Variants in ZNF385B observed in about 807,000 individuals in gnomAD.
ZNF385B encodes the protein zinc finger protein 385B.
ZNF385B carries 23 observed loss-of-function variants against 39.2 expected under a neutral mutation model. That is an observed-to-expected ratio of 0.59 (90% CI 0.42 to 0.83). The LOEUF (loss-of-function observed/expected upper bound fraction) is 0.83. ZNF385B is among the 40% of genes least tolerant of loss of function. The pLI is 0.00. For missense variants in ZNF385B, 552 were observed against 598.9 expected, an observed-to-expected ratio of 0.92 and a Z score of 0.82; for synonymous variants, 205 against 222.6, an observed-to-expected ratio of 0.92 and a Z score of 0.70.
intron 4 of ZNF385B, among the ~76,000 whole-genome samples, chr2:179,533,523 C>T (rs1394331801): frequency 6.6e-6 from 1 of 152,132 alleles, no homozygotes; most frequent in Non-Finnish European, 1.5e-5. Flanking sequence ...AGGCAGCGAA[C>T]TTACAATTAG....
intron 3 of ZNF385B, among the ~76,000 whole-genome samples, chr2:179,636,409 A>C (rs1559013036): frequency 6.6e-6 from 1 of 152,190 alleles, no homozygotes; most frequent in Non-Finnish European, 1.5e-5. Flanking sequence ...CTGAGTAAAT[A>C]TATCTGCGAC....
chr2:179,459,272 T>C (rs1228891478), intron 6 of ZNF385B, among the ~76,000 whole-genome samples: 2 of 151,432 alleles, frequency 1.3e-5, no homozygotes, highest in Admixed American at 1.3e-4. Flanking sequence ...CTAAGAAGTA[T>C]CATTTTCTGC....
intron 3 of ZNF385B, among the ~76,000 whole-genome samples, chr2:179,711,819 AT>A (rs367595857): frequency 7.4e-5 from 11 of 149,430 alleles, no homozygotes; most frequent in African/African-American, 2.2e-4. Flanking sequence ...TATAAACTGC[AT>A]TTTTTTTAAC....
intron 3 of ZNF385B, among the ~76,000 whole-genome samples, chr2:179,681,026 C>T (rs1575212991): frequency 1.3e-5 from 2 of 151,578 alleles, no homozygotes; most frequent in African/African-American, 4.8e-5. Flanking sequence ...ATTATACATG[C>T]AGCTGTTTAA....
rs759533913 is a variant in ZNF385B at position 179,518,591 on chromosome 2, G to A, written c.489C>T (p.Ser163=). The A allele has an allele frequency of 1.2e-5, 19 of 1,608,074 alleles. No individual in the cohort carries two copies. The highest frequency in any genetic ancestry group is 1.6e-5 in the Non-Finnish European group (19 of 1,177,956). The change falls in exon 5 of 10, where the codon TCC becomes TCT. Residue 163 remains serine (S), a synonymous_variant. Coordinates refer to ENST00000410066, the MANE Select transcript of ZNF385B (RefSeq NM_152520.6). The part of the protein sequence containing the change: ...KAVINHTFGV[S]IPPKKKQVIS... The stretch of plus-strand genomic sequence containing the variant: ...TAACTTGTTTCTTCTTTGGGGGAAT[G>A]GATACTCCAAATGTATGGTTAATAA...
chr2:179,849,001 A>G (rs930189974), intron 1 of ZNF385B, among the ~76,000 whole-genome samples: 1 of 152,224 alleles, frequency 6.6e-6, no homozygotes, highest in Non-Finnish European at 1.5e-5. Flanking sequence ...GAGTCTTTGT[A>G]GTCCTATGAG....
chr2:179,573,297 A>G (rs79420717), intron 3 of ZNF385B, among the ~76,000 whole-genome samples: 1,895 of 152,286 alleles, frequency 0.012, 122 homozygotes, highest in Admixed American at 0.1. Context: ...TCACATGAAA[A>G]ATTCTGGAAG....
At chr2:179,849,627 G>A (rs1031063147) in intron 1 of ZNF385B, among the ~76,000 whole-genome samples, 5 of 152,266 alleles carry the variant, frequency 3.3e-5, no homozygotes, top group South Asian at 4.2e-4. Context: ...AGTTTCAAAC[G>A]TTGAGGATAA....
intron 3 of ZNF385B, among the ~76,000 whole-genome samples, chr2:179,601,037 A>C (rs955691605): frequency 1.3e-5 from 2 of 152,234 alleles, no homozygotes; most frequent in Non-Finnish European, 2.9e-5. Flanking sequence ...ATAAACACAT[A>C]GGCCATTTCA....
intron 6 of ZNF385B, among the ~76,000 whole-genome samples, chr2:179,473,348 G>T (rs749610432): frequency 6.6e-6 from 1 of 152,164 alleles, no homozygotes; most frequent in Admixed American, 6.5e-5. Flanking sequence ...GTCATGAAAC[G>T]ATCATAGAGT....
chr2:179,860,353 T>C (rs1199398467), intron 1 of ZNF385B, among the ~76,000 whole-genome samples: 2 of 152,194 alleles, frequency 1.3e-5, no homozygotes, highest in Admixed American at 6.5e-5. Context: ...AAAAACTGTG[T>C]GTCCTCCAGA....
chr2:179,602,545 A>G (rs538889131), intron 3 of ZNF385B, among the ~76,000 whole-genome samples: 2 of 152,258 alleles, frequency 1.3e-5, no homozygotes, highest in East Asian at 3.9e-4. Flanking sequence ...TACTTAGCAT[A>G]AATCACCTAA....
At chr2:179,611,654 G>T (rs1274651918) in intron 3 of ZNF385B, among the ~76,000 whole-genome samples, 1 of 152,044 alleles carries the variant, frequency 6.6e-6, no homozygotes, top group Non-Finnish European at 1.5e-5. Flanking sequence ...TTCATCAGTT[G>T]TCTCAGGCTT....
intron 3 of ZNF385B, among the ~76,000 whole-genome samples, chr2:179,680,389 T>C (rs1221978081): frequency 6.6e-6 from 1 of 152,166 alleles, no homozygotes; most frequent in Admixed American, 6.5e-5. Flanking sequence ...AAAATACATA[T>C]TGTATAATTC....
At chr2:179,828,003 T>C (rs1707773663) in intron 1 of ZNF385B, among the ~76,000 whole-genome samples, 1 of 152,228 alleles carries the variant, frequency 6.6e-6, no homozygotes, top group African/African-American at 2.4e-5. Context: ...TGTTGCTGGG[T>C]ATAACTGTAA....
In ZNF385B at chr2:179,709,787, C is replaced by T. The variant is rs1003957271; in HGVS notation, c.298+59716G>A. 4.6e-5 allele frequency among the ~76,000 whole-genome samples: 7 copies of T among 152,158 alleles called. No individual in the cohort carries two copies. The South Asian group carries it at 1.2e-3, about 27-fold the overall frequency. On this transcript the variant is annotated intron_variant, in intron 3 of 9. Transcript: ENST00000410066. ...CACTTGGGGCCAGAGCCCAGTGCAACAGTGGCAGGGAGACTACCTAGAACC... is the reference window on the plus strand; with the variant it reads ...CACTTGGGGCCAGAGCCCAGTGCAATAGTGGCAGGGAGACTACCTAGAACC...
intron 5 of ZNF385B, among the ~76,000 whole-genome samples, chr2:179,488,494 T>C (rs947266768): frequency 3.9e-5 from 6 of 152,190 alleles, no homozygotes; most frequent in Non-Finnish European, 8.8e-5. Context: ...GCTAGAATCT[T>C]GAATGAGGAC....
intron 3 of ZNF385B, among the ~76,000 whole-genome samples, chr2:179,592,726 T>TA (rs1687671194): frequency 6.6e-6 from 1 of 152,094 alleles, no homozygotes; most frequent in Admixed American, 6.6e-5. Flanking sequence ...TTAACAAGAT[T>TA]AAAAAAATTA....
intron 3 of ZNF385B, among the ~76,000 whole-genome samples, chr2:179,766,272 G>A (rs568725173): frequency 2.0e-5 from 3 of 152,022 alleles, no homozygotes; most frequent in South Asian, 2.1e-4. Flanking sequence ...CTACAAAACC[G>A]ACCCAGAAGA....
Sources: allele counts gnomAD v4.1 joint callset (sites outside exome capture counted in the v4.1 genomes callset), GRCh38; gene constraint gnomAD v4.1.1; transcripts MANE v1.5; gene names NCBI Gene and HGNC (gene_info 2026-07-23, HGNC 2026-07-21).